Variants in SRD5A2 observed in about 807,000 individuals in gnomAD.
SRD5A2 encodes steroid 5 alpha-reductase 2, also known as 3-oxo-5-alpha-steroid 4-dehydrogenase 2.
A neutral mutation model predicts 27.4 loss-of-function variants in SRD5A2; 30 were observed. The ratio of observed to expected loss-of-function variants is 1.10; its 90% CI spans 0.82 to 1.49. The LOEUF (loss-of-function observed/expected upper bound fraction) is 1.49, where lower values mean the gene tolerates loss of function less well. Among genes scored for constraint, SRD5A2 ranks in the 40% most tolerant of loss-of-function variants. The pLI, the probability that SRD5A2 is intolerant of heterozygous loss-of-function variation, is 0.00. For synonymous variants in SRD5A2, 141 were observed against 133.6 expected, an observed-to-expected ratio of 1.06 and a Z score of -0.38; for missense variants, 348 against 323.4, an observed-to-expected ratio of 1.08 and a Z score of -0.58.
At chr2:31,560,419 C>A (rs373497928) in intron 1 of SRD5A2, among the ~76,000 whole-genome samples, 106 of 152,304 alleles carry the variant, frequency 7.0e-4, no homozygotes, top group African/African-American at 2.3e-3. Context: ...GTTCCCTGAA[C>A]TTCTCCAGCA....
At chr2:31,571,185 T>C (rs1289071586) in intron 1 of SRD5A2, among the ~76,000 whole-genome samples, 1 of 152,070 alleles carries the variant, frequency 6.6e-6, no homozygotes, top group East Asian at 1.9e-4. Flanking sequence ...TATAGACCAA[T>C]GGAACAGGAT....
chr2:31,526,375 C>A, intron 4 of SRD5A2, 113 bp from the exon 5 acceptor site: 1 of 705,488 alleles, frequency 1.4e-6, no homozygotes, highest in Non-Finnish European at 2.6e-6. Flanking sequence ...TTGGGCCTGA[C>A]TATTTCGATG....
At chr2:31,549,629 T>A (rs1162253588) in intron 1 of SRD5A2, among the ~76,000 whole-genome samples, 2 of 152,034 alleles carry the variant, frequency 1.3e-5, no homozygotes, top group Non-Finnish European at 2.9e-5. Context: ...GCAAACAAAA[T>A]TACCAGAATT....
chr2:31,564,100 TA>T (rs1666680300), intron 1 of SRD5A2, among the ~76,000 whole-genome samples: 1 of 152,050 alleles, frequency 6.6e-6, no homozygotes, highest in Non-Finnish European at 1.5e-5. Flanking sequence ...GAAAAATAAT[TA>T]ATCAGTCAAA....
At chr2:31,651,318 T>C in the SRD5A2 span, 1 of 164,132 alleles carries the variant, frequency 6.1e-6, no homozygotes, top group Non-Finnish European at 1.4e-5. Flanking sequence ...GAGTGAGACA[T>C]GAAAGACAGA....
chr2:31,579,828 G>A (rs1667034155), intron 1 of SRD5A2, among the ~76,000 whole-genome samples: 1 of 152,174 alleles, frequency 6.6e-6, no homozygotes, highest in African/African-American at 2.4e-5. Flanking sequence ...TCTCTTTCCT[G>A]TCTTTCCTTC....
the SRD5A2 span, among the ~76,000 whole-genome samples, chr2:31,640,349 A>AT: frequency 6.6e-6 from 1 of 150,806 alleles, no homozygotes; most frequent in South Asian, 2.1e-4. Flanking sequence ...CAGTCACTGG[A>AT]TTTTTTCTTT....
chr2:31,599,904 G>T, the SRD5A2 span, among the ~76,000 whole-genome samples: 1 of 151,894 alleles, frequency 6.6e-6, no homozygotes, highest in African/African-American at 2.4e-5. Flanking sequence ...TATCCTGTGG[G>T]TTTGTTGTAC....
At position 31,551,106 on chromosome 2, in the gene SRD5A2, C is replaced by T. The variant is rs1308229885; in HGVS notation, c.282-17340G>A. Among the ~76,000 whole-genome samples, 12 of 151,964 alleles carry T rather than the reference C, an allele frequency of 7.9e-5. No individual in the cohort carries two copies. In the East Asian group the frequency reaches 2.1e-3, roughly 27 times the overall value. On this transcript the variant is annotated intron_variant, in intron 1 of 4. Transcript: ENST00000622030. ...AAATTTAAAAATATCACCAAATTTA[C>T]GATGACCCCAAAACTACCATATTTT... is the stretch of plus-strand genomic sequence containing the variant.
chr2:31,533,777 C>A lies in SRD5A2; in HGVS notation c.282-11G>T, dbSNP rs1218874300. On this transcript the variant is annotated splice_polypyrimidine_tract_variant and intron_variant, in intron 1 of 4. Coordinates refer to ENST00000622030, the MANE Select transcript of SRD5A2 (RefSeq NM_000348.4). ...GAGTACACAAATGTCCTGGGACACA[C>A]AGGGAGGAAAGGTTAGGATTCACTG... The A allele has an allele frequency of 1.3e-6, 2 of 1,598,858 alleles. No homozygotes were observed. Among genetic ancestry groups the A allele is most frequent in the Admixed American group, 3.4e-5 (2 of 58,070 alleles).
chr2:31,625,386 T>C, the SRD5A2 span, among the ~76,000 whole-genome samples: 1 of 152,246 alleles, frequency 6.6e-6, no homozygotes, highest in African/African-American at 2.4e-5. Context: ...TTGTCTATTT[T>C]GGCTTTTGTT....
the SRD5A2 span, among the ~76,000 whole-genome samples, chr2:31,628,896 G>A: frequency 6.6e-6 from 1 of 151,998 alleles, no homozygotes; most frequent in Admixed American, 6.6e-5. Flanking sequence ...TTTGACCTTG[G>A]AGAATCCGAT....
intron 1 of SRD5A2, among the ~76,000 whole-genome samples, chr2:31,557,827 C>T (rs1053719002): frequency 6.6e-5 from 10 of 152,170 alleles, no homozygotes; most frequent in African/African-American, 2.4e-4. Context: ...TTCTCCTGAA[C>T]AAAAAGGAAC....
the SRD5A2 span, among the ~76,000 whole-genome samples, chr2:31,614,520 C>A: frequency 2.0e-5 from 3 of 152,192 alleles, no homozygotes; most frequent in Admixed American, 2.0e-4. Flanking sequence ...GGTACACAGG[C>A]AAGCTGTCAG....
the SRD5A2 span, among the ~76,000 whole-genome samples, chr2:31,635,130 A>T: frequency 6.6e-6 from 1 of 152,152 alleles, no homozygotes; most frequent in Admixed American, 6.5e-5. Flanking sequence ...CAGTGTCTGT[A>T]CCAATTTACA....
intron 1 of SRD5A2, among the ~76,000 whole-genome samples, chr2:31,563,770 C>T (rs1433506787): frequency 6.6e-6 from 1 of 151,990 alleles, no homozygotes; most frequent in East Asian, 1.9e-4. Flanking sequence ...TCACACATGG[C>T]CACAAATAGA....
intron 1 of SRD5A2, among the ~76,000 whole-genome samples, chr2:31,551,973 T>C (rs1234546793): frequency 6.6e-6 from 1 of 151,916 alleles, no homozygotes. Flanking sequence ...GAGACAATCC[T>C]CAGGATCTAG....
the SRD5A2 span, among the ~76,000 whole-genome samples, chr2:31,599,940 GC>G: frequency 2.4e-3 from 178 of 74,372 alleles, 4 homozygotes; most frequent in East Asian, 0.053. Flanking sequence ...CGGGTATTAA[GC>G]CTACTACCCA....
the SRD5A2 span, among the ~76,000 whole-genome samples, chr2:31,621,013 C>A: frequency 6.8e-6 from 1 of 147,310 alleles, no homozygotes. Context: ...GGTCAGATAG[C>A]AAATAATGGA....
Sources: gnomAD v4.1 joint callset for allele counts (sites outside exome capture counted in the v4.1 genomes callset) on GRCh38, gnomAD v4.1.1 for gene constraint, MANE v1.5 for transcripts, NCBI Gene and HGNC (gene_info 2026-07-23, HGNC 2026-07-21) for gene names.